The following GMEB2 variants were observed in gnomAD, a reference collection of about 807,000 sequenced individuals.
GMEB2 encodes the protein glucocorticoid modulatory element-binding protein 2.
In GMEB2, 7 loss-of-function variants were observed where a neutral mutation model predicts 45.7. That is an observed-to-expected ratio of 0.15 (90% CI 0.09 to 0.29). GMEB2 has a LOEUF of 0.29. GMEB2 is among the 10% of genes least tolerant of loss of function. The pLI, the probability that GMEB2 is intolerant of heterozygous loss-of-function variation, is 1.00. For synonymous variants in GMEB2, 322 were observed against 323.6 expected, an observed-to-expected ratio of 1.00 and a Z score of 0.05; for missense variants, 582 against 739.2, an observed-to-expected ratio of 0.79 and a Z score of 2.47.
rs545692804 is a variant in GMEB2, at chr20:63,597,857, C to T, written c.361G>A (p.Asp121Asn). 298 of 1,583,428 alleles carry T rather than the reference C, an allele frequency of 1.9e-4. No individual in the cohort carries two copies. The highest frequency in any genetic ancestry group is 4.0e-4 in the Admixed American group (24 of 59,966). ...PGINVKCVQYDEHVISPKEFV... is the reference protein window; with the variant it reads ...PGINVKCVQYNEHVISPKEFV... ...TCCTTTGGGCTGATTACATGCTCGT[C>T]GTACTGTGGGGGACACAGTCATGTG... Residue 121 changes from aspartate (D) to asparagine (N), a missense_variant, in exon 5 of 10, where the codon GAC becomes AAC. Physicochemically the swap from Asp to Asn is conservative, Grantham distance 23. Around this residue, in one of 3 missense-constraint regions of GMEB2, gnomAD observed 462 missense variants for 586.7 expected, o/e 0.79. Transcript: ENST00000370077.
rs556258139 is a variant in GMEB2, at chr20:63,590,022, G to T, written c.*67C>A. 7.8e-6 allele frequency: 11 copies of T among 1,401,772 alleles called. No individual in the cohort carries two copies. The highest frequency in any genetic ancestry group is 1.0e-5 in the Non-Finnish European group (11 of 1,059,752). The allele number at this position is 1,401,772 out of a possible 1,614,324, so 86.8% of individuals were successfully genotyped here. A position where few individuals can be genotyped will look rare whatever the true frequency, so the allele number is the denominator to read the frequency against. ...CGAGCCAGCCCTGCGGCCTCTGCCC[G>T]CTCCCTGCTGCCGCGGCTGAGAGAC... On this transcript the variant is annotated 3_prime_UTR_variant, in exon 10 of 10. Transcript: ENST00000370077.
chr20:63,625,457 G>A (rs1481304331), intron 1 of GMEB2, among the ~76,000 whole-genome samples: 3 of 151,960 alleles, frequency 2.0e-5, no homozygotes, highest in African/African-American at 4.8e-5. Flanking sequence ...ATAGGTGTGA[G>A]CCACTACACC....
chr20:63,609,026 GT>G lies in GMEB2; in HGVS notation c.132-4187del, dbSNP rs1157735884. Among the ~76,000 whole-genome samples the G allele has an allele frequency of 2.3e-3, 156 of 66,512 alleles. 7 individuals are homozygous for G. The highest frequency in any genetic ancestry group is 9.6e-3 in the African/African-American group (141 of 14,614). 43.6% of individuals were successfully genotyped at this position (66,512 alleles called of 152,430 possible). ...CCCACACCTCCATTTCTAGAAACATGTCCCTCTGACCCACACCTCCATTTCT... is the reference window on the plus strand; with the variant it reads ...CCCACACCTCCATTTCTAGAAACATGCCCTCTGACCCACACCTCCATTTCT... On this transcript the variant is annotated intron_variant, in intron 2 of 9. Coordinates refer to ENST00000370077, the MANE Select transcript of GMEB2 (RefSeq NM_012384.5).
At chr20:63,604,666 TC>T in intron 3 of GMEB2, 76 bp downstream of exon 3, 1 of 839,780 alleles carries the variant, frequency 1.2e-6, no homozygotes. Context: ...CTCTGGCTGT[TC>T]CTCATTTTGA....
At chr20:63,599,100 G>C (rs1601011749) in intron 4 of GMEB2, among the ~76,000 whole-genome samples, 1 of 152,178 alleles carries the variant, frequency 6.6e-6, no homozygotes, top group East Asian at 1.9e-4. Context: ...AGAGCTGCCA[G>C]AGCCCAGAGC....
chr20:63,595,794 C>A, intron 5 of GMEB2, 27 bp from the exon 6 acceptor site: 1 of 1,610,210 alleles, frequency 6.2e-7, no homozygotes, highest in East Asian at 2.2e-5. Context: ...CATGGAGCGT[C>A]CAGGTCGGCC....
chr20:63,626,882 G>A (rs1319561568), intron 1 of GMEB2, 74 bp downstream of exon 1: 2 of 147,024 alleles, frequency 1.4e-5, no homozygotes, highest in East Asian at 2.0e-4. Context: ...AGGGACCCCT[G>A]ACTGGACGGC....
intron 5 of GMEB2, among the ~76,000 whole-genome samples, chr20:63,596,164 G>A (rs2083199048): frequency 6.6e-6 from 1 of 152,256 alleles, no homozygotes; most frequent in Admixed American, 6.5e-5. Flanking sequence ...TGAAGCAGAG[G>A]AAGGTGGGAA....
chr20:63,603,684 G>A (rs1037838018), intron 3 of GMEB2, among the ~76,000 whole-genome samples: 2 of 151,988 alleles, frequency 1.3e-5, no homozygotes, highest in African/African-American at 4.8e-5. Flanking sequence ...GGAGGTTGCA[G>A]TGAGTCGAGA....
At chr20:63,596,910 G>A (rs11700240) in intron 5 of GMEB2, among the ~76,000 whole-genome samples, 48 of 152,160 alleles carry the variant, frequency 3.2e-4, no homozygotes, top group Non-Finnish European at 3.1e-4. Flanking sequence ...CCCAGCTACT[G>A]GGGAGGGTGA....
In GMEB2 at chr20:63,603,019, G is replaced by A. The variant is rs1374440162; in HGVS notation, c.303C>T (p.Ala101=). Residue 101 remains alanine (A), a synonymous_variant, in exon 4 of 10, where the codon GCC becomes GCT. Coordinates refer to ENST00000370077, the MANE Select transcript of GMEB2 (RefSeq NM_012384.5). ...ACACAAACTTCCTCCAGATGAGGTTGGCTCTGCTGTCTCCACAGGTGATGG... is the reference window on the plus strand; with the variant it reads ...ACACAAACTTCCTCCAGATGAGGTTAGCTCTGCTGTCTCCACAGGTGATGG... The part of the protein sequence containing the change: ...VYPITCGDSR[A]NLIWRKFVCP... 1.2e-6 allele frequency: 2 copies of A among 1,613,868 alleles called. No individual in the cohort carries two copies. The highest frequency in any genetic ancestry group is 4.5e-5 in the East Asian group (2 of 44,894).
intron 2 of GMEB2, among the ~76,000 whole-genome samples, chr20:63,615,453 T>G (rs1477400781): frequency 6.6e-6 from 1 of 151,848 alleles, no homozygotes; most frequent in South Asian, 2.1e-4. Context: ...CAACCTCCCA[T>G]GCAGCTGGGA....
Position 63,604,752 on chromosome 20 carries a change from C to T in GMEB2, c.220G>A (p.Ala74Thr). ...AFTASSQLKE[A>T]VLVKMAEEGE... ...TAGGACGGCTTCCTACCTAACACGG[C>T]TTCCTTGAGCTGGGAGGAGGCTGTG... Residue 74 changes from alanine (A) to threonine (T), a missense_variant, in exon 3 of 10, where the codon GCC (alanine) becomes ACC (threonine). Transcript: ENST00000370077. 1.3e-6 allele frequency: 2 copies of T among 1,599,362 alleles called. No individual in the cohort carries two copies. The highest frequency in any genetic ancestry group is 1.7e-6 in the Non-Finnish European group (2 of 1,166,550).
At chr20:63,605,848 G>C (rs959279012) in intron 2 of GMEB2, among the ~76,000 whole-genome samples, 5 of 152,048 alleles carry the variant, frequency 3.3e-5, no homozygotes, top group Admixed American at 6.6e-5. Flanking sequence ...CCAGCTACTT[G>C]GGAGGCCAAG....
chr20:63,603,315 C>T (rs1401720641), intron 3 of GMEB2, among the ~76,000 whole-genome samples: 2 of 152,172 alleles, frequency 1.3e-5, no homozygotes, highest in Non-Finnish European at 2.9e-5. Flanking sequence ...GTTACATTAA[C>T]AGAATTCCAT....
chr20:63,626,184 G>A (rs962931859), intron 1 of GMEB2, among the ~76,000 whole-genome samples: 1 of 74,578 alleles, frequency 1.3e-5, no homozygotes, highest in Non-Finnish European at 3.5e-5. Context: ...CCCCTGTGGG[G>A]TGGTCCCTGC....
chr20:63,605,873 T>C (rs938708443), intron 2 of GMEB2, among the ~76,000 whole-genome samples: 1 of 151,828 alleles, frequency 6.6e-6, no homozygotes. Context: ...GAGAATCGCC[T>C]GAACCCCGGA....
At chr20:63,608,872 A>C (rs377433182) in intron 2 of GMEB2, among the ~76,000 whole-genome samples, 27 of 19,142 alleles carry the variant, frequency 1.4e-3, no homozygotes, top group Non-Finnish European at 2.1e-3. Context: ...CTGACCCCAC[A>C]TCCATTTCTA....
intron 2 of GMEB2, among the ~76,000 whole-genome samples, chr20:63,609,484 C>T (rs1455619509): frequency 4.6e-5 from 3 of 65,476 alleles, no homozygotes; most frequent in Non-Finnish European, 4.4e-5. Flanking sequence ...TCCCTCTGAC[C>T]CCACATCCAT....
Sources: gnomAD v4.1 joint callset for allele counts (sites outside exome capture counted in the v4.1 genomes callset) on GRCh38, gnomAD v4.1.1 for gene constraint, gnomAD v4.1.1 regional missense constraint, MANE v1.5 for transcripts, NCBI Gene and HGNC (gene_info 2026-07-23, HGNC 2026-07-21) for gene names.